FBXL4: variants seen among roughly 807,000 people sequenced by gnomAD.
FBXL4 encodes the protein F-box/LRR-repeat protein 4.
FBXL4 carries 40 observed loss-of-function variants against 58.9 expected under a neutral mutation model. That is an observed-to-expected ratio of 0.68 (90% CI 0.53 to 0.88). The LOEUF (loss-of-function observed/expected upper bound fraction) is 0.88. Ranked by LOEUF, FBXL4 falls within the 40% of genes least tolerant of loss-of-function variation. FBXL4 has a pLI of 0.00. For synonymous variants in FBXL4, 263 were observed against 265.5 expected (o/e 0.99, Z 0.09); for missense variants, 676 against 734.4 (o/e 0.92, Z 0.92).
chr6:98,898,832 C>T, intron 7 of FBXL4: 2 of 985,290 alleles, frequency 2.0e-6, no homozygotes, highest in Non-Finnish European at 2.4e-6. Flanking sequence ...TGACATGATT[C>T]CTTTTTAAAT....
At chr6:98,875,990 T>A (rs1220554022) in intron 8 of FBXL4, among the ~76,000 whole-genome samples, 1 of 152,212 alleles carries the variant, frequency 6.6e-6, no homozygotes, top group Non-Finnish European at 1.5e-5. Flanking sequence ...GCAGTCTATG[T>A]CTTCAGTCTC....
At position 98,917,580 on chromosome 6, in the gene FBXL4, T is replaced by C. The variant is rs1772413618; in HGVS notation, c.652A>G (p.Thr218Ala). ...TGTAGCACAACTGCATCTAATTCAG[T>C]GTAATATTCCAGAAGAGAACTATTT... Reference protein sequence around the residue: ...EVNSSLLEYYTELDAVVLHGV... With the variant: ...EVNSSLLEYYAELDAVVLHGV... Residue 218 changes from threonine (T) to alanine (A), a missense_variant, in exon 5 of 10, where the codon ACT becomes GCT. Coordinates refer to ENST00000369244, the MANE Select transcript of FBXL4 (RefSeq NM_001278716.2). 1.2e-6 allele frequency: 2 copies of C among 1,613,904 alleles called. No individual in the cohort carries two copies. Among genetic ancestry groups the C allele is most frequent in the African/African-American group, 1.3e-5 (1 of 74,920 alleles).
At chr6:98,914,116 G>A (rs991384371) in intron 5 of FBXL4, among the ~76,000 whole-genome samples, 41 of 152,168 alleles carry the variant, frequency 2.7e-4, no homozygotes, top group Non-Finnish European at 7.3e-5. Flanking sequence ...GCTAAACCAG[G>A]AAGAAGTTGA....
At chr6:98,935,791 G>A (rs1582453826) in intron 1 of FBXL4, among the ~76,000 whole-genome samples, 2 of 24,034 alleles carry the variant, frequency 8.3e-5, no homozygotes, top group Admixed American at 6.8e-4. Context: ...GCGAGACTCC[G>A]TCTCAAAAAA....
At chr6:98,916,128 C>T (rs1272899059) in intron 5 of FBXL4, among the ~76,000 whole-genome samples, 3 of 151,736 alleles carry the variant, frequency 2.0e-5, no homozygotes, top group Non-Finnish European at 3.0e-5. Context: ...TACCATCTCA[C>T]ACCAGTTAGA....
chr6:98,877,858 T>G (rs960729550), intron 8 of FBXL4, among the ~76,000 whole-genome samples: 2 of 152,120 alleles, frequency 1.3e-5, no homozygotes, highest in Non-Finnish European at 1.5e-5. Context: ...TTTTTAGAAG[T>G]AAAAAGAAAT....
chr6:98,901,001 T>C (rs912334076), intron 6 of FBXL4, among the ~76,000 whole-genome samples: 10 of 152,174 alleles, frequency 6.6e-5, no homozygotes, highest in Non-Finnish European at 1.2e-4. Flanking sequence ...AAATATGCCC[T>C]GAGCTTCTAC....
intron 4 of FBXL4, among the ~76,000 whole-genome samples, chr6:98,924,846 G>A (rs1410375248): frequency 3.9e-5 from 6 of 152,146 alleles, no homozygotes; most frequent in Non-Finnish European, 5.9e-5. Context: ...ACCTCTGCCC[G>A]CCTCCTCCTG....
intron 2 of FBXL4, among the ~76,000 whole-genome samples, chr6:98,932,042 C>G (rs530233775): frequency 6.6e-6 from 1 of 152,142 alleles, no homozygotes; most frequent in African/African-American, 2.4e-5. Context: ...ATTTTTCCCA[C>G]CTGGTGCAAA....
In FBXL4 at chr6:98,874,222, T is replaced by A. The variant is rs1770571306; in HGVS notation, c.*56A>T. Reference sequence around the variant, plus strand: ...AACTAAAAACAAAACCCAAAACCAATCCCAAAATTAAACCCCAACAAAGCA... The same window carrying A: ...AACTAAAAACAAAACCCAAAACCAAACCCAAAATTAAACCCCAACAAAGCA... On this transcript the variant is annotated 3_prime_UTR_variant, in exon 10 of 10. Transcript: ENST00000369244. The A allele has an allele frequency of 1.4e-6, 2 of 1,389,856 alleles. No individual in the cohort carries two copies. Among genetic ancestry groups the A allele is most frequent in the Admixed American group, 5.4e-5 (2 of 36,776 alleles). 86.1% of individuals were successfully genotyped at this position (1,389,856 alleles called of 1,614,324 possible).
Position 98,943,259 on chromosome 6 carries a change from T to C in FBXL4, c.-309+4547A>G, listed in dbSNP as rs377511595. Among the ~76,000 whole-genome samples, 386 of 150,572 alleles carry C rather than the reference T, an allele frequency of 2.6e-3. 1 individual carries two copies. The highest frequency in any genetic ancestry group is 8.9e-3 in the African/African-American group (367 of 41,074). ...GATCTTTTTTAAAAGTTTTATAAAA[T>C]GTAAAACAAAAAAAAAAAGGACAAA... On this transcript the variant is annotated intron_variant, in intron 1 of 9. Transcript: ENST00000369244.
At chr6:98,903,361 C>T (rs996095819) in intron 6 of FBXL4, among the ~76,000 whole-genome samples, 1 of 152,084 alleles carries the variant, frequency 6.6e-6, no homozygotes, top group African/African-American at 2.4e-5. Context: ...GTTCTCTCTC[C>T]CTCTTACCTC....
chr6:98,918,743 C>G (rs1772468514), intron 4 of FBXL4, among the ~76,000 whole-genome samples: 1 of 151,824 alleles, frequency 6.6e-6, no homozygotes. Context: ...GATTTTACAT[C>G]AAAGAATAAG....
chr6:98,926,973 G>A lies in FBXL4; in HGVS notation c.16C>T (p.Pro6Ser), dbSNP rs549380000. 3.1e-6 allele frequency: 5 copies of A among 1,613,760 alleles called. No homozygotes were observed. In the East Asian group the frequency reaches 8.9e-5, roughly 29 times the overall value. Residue 6 changes from proline (P) to serine (S), a missense_variant, in exon 4 of 10, where the codon CCC becomes TCC. Coordinates refer to ENST00000369244, the MANE Select transcript of FBXL4 (RefSeq NM_001278716.2). Reference sequence around the variant, plus strand: ...AACATGGTCAGAACTGTTAACATGGGAAAGACCGGTGACATCTAGATGTGA... The same window carrying A: ...AACATGGTCAGAACTGTTAACATGGAAAAGACCGGTGACATCTAGATGTGA... MSPVF[P>S]MLTVLTMFYY...
intron 5 of FBXL4, among the ~76,000 whole-genome samples, chr6:98,913,465 C>T (rs1772188005): frequency 6.6e-6 from 1 of 151,758 alleles, no homozygotes; most frequent in Non-Finnish European, 1.5e-5. Flanking sequence ...ACAGAACTGT[C>T]TCTCAGACCA....
In FBXL4 at chr6:98,926,634, G is replaced by T. The variant is rs980940348; in HGVS notation, c.355C>A (p.Pro119Thr). 1.9e-6 allele frequency: 3 copies of T among 1,614,114 alleles called. No homozygotes were observed. Among genetic ancestry groups the T allele is most frequent in the Non-Finnish European group, 2.5e-6 (3 of 1,180,022 alleles). ...ACATAGTCCTGGCTCTGAAAATTAG[G>T]TGGCGTCCTCTTGAATGGCAAGGAA... ...SASLPFKRTP[P>T]NFQSQDYVEL... Residue 119 changes from proline to threonine, a missense_variant, in exon 4 of 10, where the codon CCT (proline) becomes ACT (threonine). Coordinates refer to ENST00000369244, the MANE Select transcript of FBXL4 (RefSeq NM_001278716.2).
chr6:98,920,167 G>A (rs1772525414), intron 4 of FBXL4, among the ~76,000 whole-genome samples: 1 of 152,088 alleles, frequency 6.6e-6, no homozygotes, highest in Non-Finnish European at 1.5e-5. Context: ...TAAAGACATT[G>A]ATTAGAACAT....
At chr6:98,945,077 C>T (rs1773572457) in intron 1 of FBXL4, among the ~76,000 whole-genome samples, 1 of 152,094 alleles carries the variant, frequency 6.6e-6, no homozygotes, top group South Asian at 2.1e-4. Context: ...TTACTCTTAC[C>T]AACAACTTTT....
intron 7 of FBXL4, chr6:98,898,680 C>T (rs888431512): frequency 8.1e-6 from 8 of 984,988 alleles, no homozygotes; most frequent in Non-Finnish European, 9.6e-6. Context: ...ACTGGAAAAA[C>T]TAAATGTTGA....
Sources: allele counts gnomAD v4.1 joint callset (sites outside exome capture counted in the v4.1 genomes callset), GRCh38; gene constraint gnomAD v4.1.1; transcripts MANE v1.5; gene names NCBI Gene and HGNC (gene_info 2026-07-23, HGNC 2026-07-21).